The following DOCK1 variants were observed in gnomAD, a reference collection of about 807,000 sequenced individuals.
The protein encoded by DOCK1 is dedicator of cytokinesis 1.
Under a neutral mutation model 262.7 loss-of-function variants are expected in DOCK1, and 138 were observed. The observed-to-expected ratio is 0.53, with a 90% CI of 0.46 to 0.61. DOCK1 has a LOEUF of 0.61. Ranked by LOEUF, DOCK1 falls within the 20% of genes least tolerant of loss-of-function variation. The pLI is 0.00. For missense variants in DOCK1, 1,908 were observed against 2,370.7 expected (o/e 0.80, Z 4.05); for synonymous variants, 866 against 867.4 (o/e 1.00, Z 0.03).
chr10:127,075,498 A>G (rs2046473667), intron 23 of DOCK1, among the ~76,000 whole-genome samples: 3 of 152,160 alleles, frequency 2.0e-5, no homozygotes, highest in Admixed American at 6.5e-5. Context: ...TCACACTGCT[A>G]TAAAGAACTA....
intron 29 of DOCK1, among the ~76,000 whole-genome samples, chr10:127,266,447 G>A (rs977423293): frequency 2.0e-5 from 3 of 150,606 alleles, no homozygotes; most frequent in African/African-American, 4.9e-5. Context: ...TACAGCAGTT[G>A]TTGACAGCAA....
Position 127,258,114 on chromosome 10 carries a change from G to A in DOCK1, c.3044+685G>A, listed in dbSNP as rs74608333. On this transcript the variant is annotated intron_variant, in intron 29 of 51. Transcript: ENST00000623213. ...TTGTGTATAAGGGAGTCGATGATGC[G>A]ATTCACTGATCTTACTCAGATTTCC... is the stretch of plus-strand genomic sequence containing the variant. Among the ~76,000 whole-genome samples the A allele has an allele frequency of 7.3e-3, 1,110 of 152,234 alleles. 15 individuals carry two copies. Among genetic ancestry groups the A allele is most frequent in the African/African-American group, 0.025 (1,045 of 41,526 alleles).
At chr10:127,396,754 CAAAAAA>C (rs372642343) in intron 38 of DOCK1, among the ~76,000 whole-genome samples, 24 of 134,160 alleles carry the variant, frequency 1.8e-4, no homozygotes, top group African/African-American at 5.3e-4. Context: ...ATCTCTGTTA[CAAAAAA>C]AAAAAAAAAA....
chr10:127,343,169 C>A (rs939398805), intron 30 of DOCK1, among the ~76,000 whole-genome samples: 1 of 152,132 alleles, frequency 6.6e-6, no homozygotes, highest in African/African-American at 2.4e-5. Flanking sequence ...TGCTTGAACC[C>A]AGAAGGCAGA....
Position 127,268,503 on chromosome 10 carries a change from CAAAAAAAA to C in DOCK1, c.3044+11086_3044+11093del, listed in dbSNP as rs56689236. The stretch of plus-strand genomic sequence containing the variant: ...TGGGTGACAGACCGAGACTCCACCT[CAAAAAAAA>C]AAAAAAAAAAAGAAGAGGAAAGAAA... On this transcript the variant is annotated intron_variant, in intron 29 of 51. Coordinates refer to ENST00000623213, the MANE Select transcript of DOCK1 (RefSeq NM_001290223.2). Among the ~76,000 whole-genome samples, 6 of 70,156 alleles carry C rather than the reference CAAAAAAAA, an allele frequency of 8.6e-5. No individual in the cohort carries two copies. The East Asian group carries it at 1.1e-3, about 13-fold the overall frequency. 46.0% of individuals were successfully genotyped at this position (70,156 alleles called of 152,430 possible).
chr10:126,991,669 A>G (rs967750157), intron 6 of DOCK1, among the ~76,000 whole-genome samples: 4 of 152,146 alleles, frequency 2.6e-5, no homozygotes, highest in African/African-American at 9.7e-5. Context: ...AGCTGGGATT[A>G]TAGGCATGCA....
In DOCK1 at chr10:127,249,795, A is replaced by G. The variant is rs1229747795; in HGVS notation, c.2949+1686A>G. Among the ~76,000 whole-genome samples the G allele has an allele frequency of 2.0e-5, 3 of 152,220 alleles. No individual in the cohort carries two copies. The East Asian group carries it at 5.8e-4, about 29-fold the overall frequency. The stretch of plus-strand genomic sequence containing the variant: ...CACGTGACTGTACTTCAAGATTTCT[A>G]AGGAGAACAAAAATGGATCTAGACC... On this transcript the variant is annotated intron_variant, in intron 28 of 51. Transcript: ENST00000623213.
intron 38 of DOCK1, among the ~76,000 whole-genome samples, chr10:127,389,051 G>A (rs184446888): frequency 6.6e-5 from 10 of 152,322 alleles, no homozygotes; most frequent in South Asian, 2.1e-4. Flanking sequence ...CTCAATCCTC[G>A]TTTCTCTGTC....
chr10:126,993,465 C>G (rs2039957266), intron 6 of DOCK1, among the ~76,000 whole-genome samples: 1 of 152,236 alleles, frequency 6.6e-6, no homozygotes, highest in African/African-American at 2.4e-5. Context: ...CCGTCACTGA[C>G]CCTGCCTGTA....
rs116743950 is a variant in DOCK1, at chr10:127,409,419, G to A, written c.4343+28G>A. 834 of 1,609,288 alleles carry A rather than the reference G, an allele frequency of 5.2e-4. 3 individuals are homozygous for A. The African/African-American group carries it at 9.8e-3, about 19-fold the overall frequency. ...AATAATCCCATTTTTCTTACCCAAC[G>A]TGAGGGTTGTAAGAGGCTGTGTACA... On this transcript the variant is annotated intron_variant, in intron 42 of 51. Coordinates refer to ENST00000623213, the MANE Select transcript of DOCK1 (RefSeq NM_001290223.2).
At chr10:126,976,064 A>G (rs2038516699) in intron 2 of DOCK1, among the ~76,000 whole-genome samples, 1 of 152,240 alleles carries the variant, frequency 6.6e-6, no homozygotes, top group African/African-American at 2.4e-5. Flanking sequence ...AGGATAAAGG[A>G]CAGTTGTTGA....
chr10:127,081,972 C>T (rs1400203768), intron 23 of DOCK1, among the ~76,000 whole-genome samples: 9 of 152,268 alleles, frequency 5.9e-5, no homozygotes, highest in South Asian at 2.1e-4. Flanking sequence ...TGGTTCTTCA[C>T]GCGAAAGCAG....
intron 27 of DOCK1, among the ~76,000 whole-genome samples, chr10:127,145,739 C>G: frequency 6.6e-6 from 1 of 152,170 alleles, no homozygotes; most frequent in Non-Finnish European, 1.5e-5. Context: ...GCCACCAGCC[C>G]GGAACCCTGG....
intron 27 of DOCK1, among the ~76,000 whole-genome samples, chr10:127,240,714 C>A (rs1185774390): frequency 6.6e-6 from 1 of 151,986 alleles, no homozygotes. Flanking sequence ...CTCCCCGCCC[C>A]CTTAATCTTA....
At chr10:127,018,321 T>C (rs2135404037) in intron 12 of DOCK1, among the ~76,000 whole-genome samples, 1 of 152,310 alleles carries the variant, frequency 6.6e-6, no homozygotes, top group South Asian at 2.1e-4. Context: ...TGCCTTTGTC[T>C]TTCCTGGGAG....
intron 46 of DOCK1, among the ~76,000 whole-genome samples, chr10:127,422,814 T>C (rs2068594721): frequency 6.6e-6 from 1 of 152,246 alleles, no homozygotes; most frequent in Admixed American, 6.5e-5. Context: ...GCTATAAAAC[T>C]ATTGCTATAC....
chr10:127,166,707 T>C (rs1164155540), intron 27 of DOCK1, among the ~76,000 whole-genome samples: 2 of 152,230 alleles, frequency 1.3e-5, no homozygotes, highest in Non-Finnish European at 2.9e-5. Context: ...GCTCAAACCA[T>C]TTTTGCATAG....
At chr10:127,330,572 C>A (rs925546516) in intron 29 of DOCK1, among the ~76,000 whole-genome samples, 1 of 152,182 alleles carries the variant, frequency 6.6e-6, no homozygotes, top group Non-Finnish European at 1.5e-5. Context: ...TCTGGCAATT[C>A]CACTTCTGGG....
intron 47 of DOCK1, among the ~76,000 whole-genome samples, 152 bp downstream of exon 47, chr10:127,426,163 A>G (rs2068801782): frequency 6.6e-6 from 1 of 152,216 alleles, no homozygotes; most frequent in African/African-American, 2.4e-5. Flanking sequence ...CCCCTTGGGC[A>G]GTCTTGTCTA....
Sources: gnomAD v4.1 joint callset for allele counts (sites outside exome capture counted in the v4.1 genomes callset) on GRCh38, gnomAD v4.1.1 for gene constraint, MANE v1.5 for transcripts, NCBI Gene and HGNC (gene_info 2026-07-23, HGNC 2026-07-21) for gene names.